BANK1: variants seen among roughly 807,000 people sequenced by gnomAD.
BANK1 encodes the protein B-cell scaffold protein with ankyrin repeats.
Under a neutral mutation model 94.5 loss-of-function variants are expected in BANK1, and 95 were observed. The observed-to-expected ratio is 1.00, with a 90% CI of 0.85 to 1.19. The LOEUF (loss-of-function observed/expected upper bound fraction) is 1.19, where lower values mean the gene tolerates loss of function less well. Ranked by LOEUF, BANK1 falls within the 50% of genes most tolerant of loss-of-function variation. BANK1 has a pLI of 0.00. For missense variants in BANK1, 987 were observed against 932.2 expected (o/e 1.06, Z -0.77); for synonymous variants, 334 against 308.4 (o/e 1.08, Z -0.87).
intron 4 of BANK1, 77 bp downstream of exon 4, chr4:101,862,741 A>G: frequency 7.3e-7 from 1 of 1,362,982 alleles, no homozygotes. Context: ...AAATGGTTTC[A>G]CTTCCTTACA....
At chr4:101,823,363 A>T (rs1726246089) in intron 1 of BANK1, among the ~76,000 whole-genome samples, 1 of 152,196 alleles carries the variant, frequency 6.6e-6, no homozygotes, top group Non-Finnish European at 1.5e-5. Context: ...ATATATACTT[A>T]CCTTTGTATA....
intron 6 of BANK1, among the ~76,000 whole-genome samples, chr4:101,908,717 A>T (rs1014586452): frequency 9.8e-5 from 15 of 152,328 alleles, no homozygotes; most frequent in African/African-American, 3.1e-4. Context: ...CAAGAAAAAA[A>T]CAAACAACCC....
chr4:101,920,421 T>C (rs1722965039), intron 7 of BANK1, among the ~76,000 whole-genome samples: 1 of 151,852 alleles, frequency 6.6e-6, no homozygotes, highest in South Asian at 2.1e-4. Context: ...TTTTAAAGAG[T>C]GTATGTAAAC....
At chr4:102,010,354 C>T (rs917277853) in intron 7 of BANK1, among the ~76,000 whole-genome samples, 4 of 151,490 alleles carry the variant, frequency 2.6e-5, no homozygotes, top group Admixed American at 1.3e-4. Flanking sequence ...TGAGCTTTGC[C>T]TGAACAGAGT....
chr4:102,035,443 G>T (rs929620318), intron 10 of BANK1, among the ~76,000 whole-genome samples: 3 of 152,052 alleles, frequency 2.0e-5, no homozygotes, highest in East Asian at 1.9e-4. Flanking sequence ...GGTCAGGAGA[G>T]TGAGACCATC....
intron 11 of BANK1, among the ~76,000 whole-genome samples, chr4:102,053,369 A>G (rs901990001): frequency 2.6e-5 from 4 of 152,116 alleles, no homozygotes; most frequent in Admixed American, 6.5e-5. Context: ...AACAATCTTA[A>G]AAGTATTGAG....
intron 7 of BANK1, among the ~76,000 whole-genome samples, chr4:102,007,093 A>G (rs1321218372): frequency 2.2e-4 from 15 of 67,674 alleles, no homozygotes; most frequent in African/African-American, 9.1e-4. Flanking sequence ...TATATATATA[A>G]TATATTTATA....
At position 102,011,390 on chromosome 4, in the gene BANK1, T is replaced by A. The variant is rs1411382562; in HGVS notation, c.1207-10124T>A. On this transcript the variant is annotated intron_variant, in intron 7 of 16. Coordinates refer to ENST00000322953, the MANE Select transcript of BANK1 (RefSeq NM_017935.5). Reference sequence around the variant, plus strand: ...ACCGAAATCTACCTAATAAATCACTTGAAGTTTTAAATGCTAACCTATCAC... The same window carrying A: ...ACCGAAATCTACCTAATAAATCACTAGAAGTTTTAAATGCTAACCTATCAC... 3.9e-5 allele frequency among the ~76,000 whole-genome samples: 6 copies of A among 152,220 alleles called. No individual in the cohort carries two copies. In the East Asian group the frequency reaches 1.2e-3, roughly 29 times the overall value.
intron 11 of BANK1, 132 bp from the exon 12 acceptor site, chr4:102,060,079 T>C (rs1444686274): frequency 2.6e-6 from 2 of 771,136 alleles, no homozygotes; most frequent in Non-Finnish European, 3.9e-6. Flanking sequence ...ATTAAAAGTG[T>C]GCTGGTTTAT....
At chr4:101,873,138 AT>A (rs1560611116) in intron 5 of BANK1, among the ~76,000 whole-genome samples, 1 of 152,006 alleles carries the variant, frequency 6.6e-6, no homozygotes, top group East Asian at 1.9e-4. Context: ...AAATGTGAAT[AT>A]TTTGCCCGTG....
intron 1 of BANK1, among the ~76,000 whole-genome samples, chr4:101,800,005 A>G (rs982614614): frequency 2.0e-5 from 3 of 152,120 alleles, no homozygotes; most frequent in Non-Finnish European, 4.4e-5. Context: ...GCTGGAAACA[A>G]TCATTCTGAG....
At chr4:101,986,873 ATGTGTGTG>A (rs1164357630) in intron 7 of BANK1, among the ~76,000 whole-genome samples, 17 of 46,884 alleles carry the variant, frequency 3.6e-4, no homozygotes, top group East Asian at 6.9e-4. Context: ...ATATGTGTGT[ATGTGTGTG>A]TGTGTGTGTG....
Position 101,890,508 on chromosome 4 carries a change from A to G in BANK1, c.904-4797A>G, listed in dbSNP as rs889809022. On this transcript the variant is annotated intron_variant, in intron 5 of 16. Coordinates refer to ENST00000322953, the MANE Select transcript of BANK1 (RefSeq NM_017935.5). Reference sequence around the variant, plus strand: ...CTTTCCTTTGTAATTTTTGCATGCTATATCTGTTTTATTCTTCTACTTAAA... The same window carrying G: ...CTTTCCTTTGTAATTTTTGCATGCTGTATCTGTTTTATTCTTCTACTTAAA... Among the ~76,000 whole-genome samples, 8 of 150,306 alleles carry G rather than the reference A, an allele frequency of 5.3e-5. No individual in the cohort carries two copies. The East Asian group carries it at 1.2e-3, about 22-fold the overall frequency.
chr4:101,979,611 C>T (rs866577452), intron 7 of BANK1, among the ~76,000 whole-genome samples: 2 of 151,830 alleles, frequency 1.3e-5, no homozygotes, highest in Non-Finnish European at 3.0e-5. Flanking sequence ...AAAATCGTGA[C>T]TATCTATGTC....
chr4:101,827,317 A>G (rs1281751155), intron 1 of BANK1, among the ~76,000 whole-genome samples: 1 of 151,948 alleles, frequency 6.6e-6, no homozygotes, highest in Admixed American at 6.5e-5. Flanking sequence ...CTAATGATAT[A>G]TTTTAAGATA....
At chr4:102,052,119 T>C (rs1407371773) in intron 11 of BANK1, among the ~76,000 whole-genome samples, 54 of 84,590 alleles carry the variant, frequency 6.4e-4, no homozygotes, top group South Asian at 5.2e-3. Flanking sequence ...TTTTCTTTTT[T>C]TTTTTTTTTT....
intron 9 of BANK1, among the ~76,000 whole-genome samples, chr4:102,029,474 CTT>C (rs1217070723): frequency 4.7e-5 from 7 of 149,868 alleles, no homozygotes; most frequent in African/African-American, 1.2e-4. Context: ...AGATTTATAA[CTT>C]GATTTTCTGA....
chr4:101,860,276 C>A (rs1365125120), intron 3 of BANK1, among the ~76,000 whole-genome samples: 1 of 152,064 alleles, frequency 6.6e-6, no homozygotes, highest in African/African-American at 2.4e-5. Flanking sequence ...AAGTGTGGGG[C>A]CCTGTGTGAC....
At chr4:102,014,869 C>G (rs1433045388) in intron 7 of BANK1, among the ~76,000 whole-genome samples, 1 of 152,070 alleles carries the variant, frequency 6.6e-6, no homozygotes, top group African/African-American at 2.4e-5. Context: ...CTCTTAATAT[C>G]TTATTCAAGG....
Sources: gnomAD v4.1 joint callset for allele counts (sites outside exome capture counted in the v4.1 genomes callset) on GRCh38, gnomAD v4.1.1 for gene constraint, MANE v1.5 for transcripts, NCBI Gene and HGNC (gene_info 2026-07-23, HGNC 2026-07-21) for gene names.